The following SEPTIN9 variants were observed in gnomAD, a reference collection of about 807,000 sequenced individuals.
SEPTIN9 encodes the protein septin 9.
In SEPTIN9, 13 loss-of-function variants were observed where a neutral mutation model predicts 56.6. The ratio of observed to expected loss-of-function variants is 0.23; its 90% CI spans 0.15 to 0.37. The LOEUF (loss-of-function observed/expected upper bound fraction) is 0.37. Among genes scored for constraint, SEPTIN9 ranks in the 10% least tolerant of loss-of-function variants. The probability of loss-of-function intolerance (pLI) is 1.00; values close to 1 mark genes in which losing one functional copy is unlikely to be tolerated. For missense variants in SEPTIN9, 650 were observed against 823.1 expected (o/e 0.79, Z 2.57); for synonymous variants, 332 against 334.1 (o/e 0.99, Z 0.07).
chr17:77,422,921 C>T (rs2036756436), intron 3 of SEPTIN9, among the ~76,000 whole-genome samples: 1 of 152,180 alleles, frequency 6.6e-6, no homozygotes, highest in Admixed American at 6.5e-5. Flanking sequence ...CTGCTGTAAA[C>T]CCCTCGTCCC....
At position 77,499,935 on chromosome 17, in the gene SEPTIN9, G is replaced by A. The variant is rs905056933; in HGVS notation, c.*1277G>A. 18 of 241,074 alleles carry A rather than the reference G, an allele frequency of 7.5e-5. No individual in the cohort carries two copies. Among genetic ancestry groups the A allele is most frequent in the Non-Finnish European group, 1.2e-4 (15 of 122,640 alleles). The allele number at this position is 241,074 out of a possible 1,614,324, so 14.9% of individuals were successfully genotyped here. ...GTCCACAGCTGAAGAGCAAGGTTTCGTGGCAGCACGGCCCGGCCCCTCACC... is the reference window on the plus strand; with the variant it reads ...GTCCACAGCTGAAGAGCAAGGTTTCATGGCAGCACGGCCCGGCCCCTCACC... On this transcript the variant is annotated 3_prime_UTR_variant, in exon 12 of 12. Transcript: ENST00000427177.
chr17:77,492,542 G>A lies in SEPTIN9; in HGVS notation c.1381-79G>A. On this transcript the variant is annotated intron_variant, in intron 8 of 11. Transcript: ENST00000427177. This position sits in a 1 kb window ranked among gnomAD's most constrained non-coding sequence, Gnocchi z 5.4. Reference sequence around the variant, plus strand: ...CCGAGCCTGGGGCAGCACACAGTGTGGAGGTCATGTGGCAAACACCAGTGG... The same window carrying A: ...CCGAGCCTGGGGCAGCACACAGTGTAGAGGTCATGTGGCAAACACCAGTGG... The A allele has an allele frequency of 7.8e-7, 1 of 1,278,086 alleles. No individual in the cohort carries two copies. Among genetic ancestry groups the A allele is most frequent in the Non-Finnish European group, 1.1e-6 (1 of 873,886 alleles). 79.2% of individuals were successfully genotyped at this position (1,278,086 alleles called of 1,614,324 possible).
rs979664004 is a variant in SEPTIN9, at chr17:77,475,425, A to G, written c.722-6719A>G. ...AGCCCTGGCCGGACACTGTCCTCCT[A>G]GCATTGCCTGCATCAGGGACTCACT... On this transcript the variant is annotated intron_variant, in intron 3 of 11. Transcript: ENST00000427177. This position sits in a 1 kb window ranked among gnomAD's most constrained non-coding sequence, Gnocchi z 4.6. The G allele has an allele frequency of 3.3e-6, 5 of 1,495,546 alleles. No homozygotes were observed. Among genetic ancestry groups the G allele is most frequent in the Admixed American group, 4.7e-5 (2 of 42,640 alleles). 92.6% of individuals were successfully genotyped at this position (1,495,546 alleles called of 1,614,324 possible). A position where few individuals can be genotyped will look rare whatever the true frequency, so the allele number is the denominator to read the frequency against.
intron 3 of SEPTIN9, among the ~76,000 whole-genome samples, chr17:77,409,453 GA>G (rs1286865369): frequency 6.6e-6 from 1 of 152,120 alleles, no homozygotes; most frequent in Admixed American, 6.5e-5. Flanking sequence ...GCTGGTCCGG[GA>G]ATGCAGCGGG....
At position 77,488,277 on chromosome 17, in the gene SEPTIN9, G is replaced by A. The variant is rs2143350189; in HGVS notation, c.1080G>A (p.Val360=). The part of the protein sequence containing the change: ...EEKGVRMKLT[V]IDTPGFGDHI... ...AAGGCGTCCGGATGAAGCTGACAGT[G>A]ATTGACACACCAGGGTTCGGGGACC... The change falls in exon 6 of 12, where the codon GTG becomes GTA. Residue 360 remains valine (V), a synonymous_variant. Coordinates refer to ENST00000427177, the MANE Select transcript of SEPTIN9 (RefSeq NM_001113491.2). The A allele has an allele frequency of 1.2e-6, 2 of 1,613,808 alleles. No homozygotes were observed. The highest frequency in any genetic ancestry group is 4.5e-5 in the East Asian group (2 of 44,876).
intron 2 of SEPTIN9, among the ~76,000 whole-genome samples, chr17:77,337,128 G>T (rs1464134064): frequency 1.3e-5 from 2 of 151,170 alleles, no homozygotes; most frequent in East Asian, 3.9e-4. Flanking sequence ...AGCCTCCTAA[G>T]TAGCAGGGAC....
At chr17:77,332,892 C>G (rs1179580269) in intron 2 of SEPTIN9, among the ~76,000 whole-genome samples, 1 of 152,184 alleles carries the variant, frequency 6.6e-6, no homozygotes, top group Admixed American at 6.5e-5. Flanking sequence ...CTGGCTGTTT[C>G]CATCTGGAGG....
Position 77,367,958 on chromosome 17 carries a change from T to G in SEPTIN9, c.77-34101T>G, listed in dbSNP as rs2034619800. Among the ~76,000 whole-genome samples the G allele has an allele frequency of 6.6e-6, 1 of 152,264 alleles. No homozygotes were observed. The highest frequency in any genetic ancestry group is 2.4e-5 in the African/African-American group (1 of 41,468). On this transcript the variant is annotated intron_variant, in intron 2 of 11. Transcript: ENST00000427177. This position sits in a 1 kb window ranked among gnomAD's most constrained non-coding sequence, Gnocchi z 4.5. ...GGAAGGAATGGATATACAAAGTGTG[T>G]GTACACACAGTGGAATATCATTCAG...
Position 77,492,362 on chromosome 17 carries a change from A to G in SEPTIN9, c.1381-259A>G, listed in dbSNP as rs1302878423. On this transcript the variant is annotated intron_variant, in intron 8 of 11. Transcript: ENST00000427177. This position sits in a 1 kb window ranked among gnomAD's most constrained non-coding sequence, Gnocchi z 5.4. ...GGGGCTGTGATGAGCAGGAGAAGAG[A>G]GGTGGGAGGTGCTCAGGACGATGAC... Among the ~76,000 whole-genome samples the G allele has an allele frequency of 6.6e-6, 1 of 151,926 alleles. No homozygotes were observed. Among genetic ancestry groups the G allele is most frequent in the African/African-American group, 2.4e-5 (1 of 41,324 alleles).
In SEPTIN9 at chr17:77,445,120, CAG is replaced by C. The variant is rs1206876957; in HGVS notation, c.722-37023_722-37022del. On this transcript the variant is annotated intron_variant, in intron 3 of 11. Transcript: ENST00000427177. The surrounding 1 kb of genome is among the most constrained non-coding windows in gnomAD (Gnocchi z 4.7). ...GGGGACGGCCTTCACTCGGGCTACT[CAG>C]GGTTTCCCCAGCCTGCCAACCCAAG... 2 of 465,362 alleles carry C rather than the reference CAG, an allele frequency of 4.3e-6. No individual in the cohort carries two copies. Among genetic ancestry groups the C allele is most frequent in the Middle Eastern group, 6.6e-4 (2 of 3,048 alleles). The allele number at this position is 465,362 out of a possible 1,614,324, so 28.8% of individuals were successfully genotyped here. A position where few individuals can be genotyped will look rare whatever the true frequency, so the allele number is the denominator to read the frequency against.
At chr17:77,396,290 C>T (rs2035710528) in intron 2 of SEPTIN9, among the ~76,000 whole-genome samples, 1 of 152,238 alleles carries the variant, frequency 6.6e-6, no homozygotes, top group Non-Finnish European at 1.5e-5. Context: ...TGCATTAACT[C>T]CTTGCAGACA....
At chr17:77,397,198 G>A (rs1407276627) in intron 2 of SEPTIN9, 2 of 154,414 alleles carry the variant, frequency 1.3e-5, no homozygotes, top group Non-Finnish European at 2.9e-5. Flanking sequence ...CAAGGTATTG[G>A]CAGGACCACA....
chr17:77,450,527 A>T lies in SEPTIN9; in HGVS notation c.722-31617A>T, dbSNP rs753223960. The T allele has an allele frequency of 1.9e-4, 188 of 985,160 alleles. No individual in the cohort carries two copies. The highest frequency in any genetic ancestry group is 2.2e-4 in the Non-Finnish European group (182 of 829,954). 61.0% of individuals were successfully genotyped at this position (985,160 alleles called of 1,614,324 possible). ...AGTGGCCACGCCCCTGCTGGGAGTGACTCACTTGGGTTCAGAGGTCGTGGC... is the reference window on the plus strand; with the variant it reads ...AGTGGCCACGCCCCTGCTGGGAGTGTCTCACTTGGGTTCAGAGGTCGTGGC... On this transcript the variant is annotated intron_variant, in intron 3 of 11. Transcript: ENST00000427177. The surrounding 1 kb of genome is among the most constrained non-coding windows in gnomAD (Gnocchi z 6.0).
intron 3 of SEPTIN9, chr17:77,426,911 G>A (rs953431991): frequency 6.6e-6 from 1 of 152,284 alleles, no homozygotes; most frequent in Non-Finnish European, 1.5e-5. Context: ...TCCAACTGGA[G>A]CAGTCAGGGA....
rs145654651 is a variant in SEPTIN9 at position 77,431,941 on chromosome 17, G to A, written c.721+29238G>A. Among the ~76,000 whole-genome samples the A allele has an allele frequency of 4.9e-3, 752 of 151,974 alleles. 4 individuals carry two copies. Among genetic ancestry groups the A allele is most frequent in the African/African-American group, 0.017 (685 of 41,454 alleles). On this transcript the variant is annotated intron_variant, in intron 3 of 11. Coordinates refer to ENST00000427177, the MANE Select transcript of SEPTIN9 (RefSeq NM_001113491.2). ...CCCTGTAAAAGGATGAGGCCAAATA[G>A]CCATGGGAGGGTGGTACTGGATGTT...
chr17:77,423,664 G>C (rs2144232933), intron 3 of SEPTIN9, among the ~76,000 whole-genome samples: 1 of 152,348 alleles, frequency 6.6e-6, no homozygotes, highest in Middle Eastern at 3.4e-3. Context: ...AGATCACGTG[G>C]CTTGCGCTGA....
chr17:77,339,867 C>T (rs1382524909), intron 2 of SEPTIN9, among the ~76,000 whole-genome samples: 1 of 151,860 alleles, frequency 6.6e-6, no homozygotes, highest in Non-Finnish European at 1.5e-5. Context: ...GCTTTGTTGC[C>T]TAGACTGGAG....
intron 3 of SEPTIN9, among the ~76,000 whole-genome samples, chr17:77,480,130 A>G (rs1174129902): frequency 6.6e-6 from 1 of 152,094 alleles, no homozygotes; most frequent in Non-Finnish European, 1.5e-5. Context: ...GCCTGTGGGT[A>G]TTGCTCTCAG....
intron 1 of SEPTIN9, among the ~76,000 whole-genome samples, chr17:77,282,368 C>G (rs1026463030): frequency 5.3e-5 from 8 of 152,088 alleles, no homozygotes; most frequent in African/African-American, 1.9e-4. Context: ...CTCCTCAGTC[C>G]TCAAATTATA....
Sources: allele counts gnomAD v4.1 joint callset (sites outside exome capture counted in the v4.1 genomes callset), GRCh38; gene constraint gnomAD v4.1.1; non-coding constraint Gnocchi (gnomAD v3.1); transcripts MANE v1.5; gene names NCBI Gene and HGNC (gene_info 2026-07-23, HGNC 2026-07-21).